Variants in FRAS1 observed in about 807,000 individuals in gnomAD.
FRAS1 encodes Fraser extracellular matrix complex subunit 1, also known as extracellular matrix organizing protein FRAS1.
Under a neutral mutation model 435.2 loss-of-function variants are expected in FRAS1, and 290 were observed. The ratio of observed to expected loss-of-function variants is 0.67; its 90% CI spans 0.61 to 0.73. The LOEUF is 0.73. Ranked by LOEUF, FRAS1 falls within the 30% of genes least tolerant of loss-of-function variation. The pLI is 0.00. For synonymous variants in FRAS1, 1,800 were observed against 1,851.0 expected (o/e 0.97, Z 0.71); for missense variants, 4,860 against 5,001.5 (o/e 0.97, Z 0.85).
chr4:78,232,581 G>T (rs1176411180), intron 2 of FRAS1, among the ~76,000 whole-genome samples: 1 of 152,136 alleles, frequency 6.6e-6, no homozygotes, highest in African/African-American at 2.4e-5. Context: ...CACCGTGCCT[G>T]GCTGGTACAA....
chr4:78,058,025 G>C lies in FRAS1; in HGVS notation c.16G>C (p.Val6Leu), dbSNP rs1290579756. ...CGAGGCGGCGATGGGTGTCCTCAAA[G>C]TGTGGCTCGGGCTGGCCCTAGCGTT... The part of the protein sequence containing the change: MGVLK[V>L]WLGLALALAE... Residue 6 changes from valine (V) to leucine (L), a missense_variant, in exon 1 of 74, where the codon GTG becomes CTG. Physicochemically the swap from Val to Leu is conservative, Grantham distance 32. Coordinates refer to ENST00000512123, the MANE Select transcript of FRAS1 (RefSeq NM_025074.7). The C allele has an allele frequency of 1.2e-6, 2 of 1,614,028 alleles. No individual in the cohort carries two copies. Among genetic ancestry groups the C allele is most frequent in the Admixed American group, 1.7e-5 (1 of 60,030 alleles).
In FRAS1 at chr4:78,473,477, A is replaced by G; in HGVS notation, c.7562A>G (p.Lys2521Arg). The G allele has an allele frequency of 1.2e-6, 2 of 1,613,668 alleles. No individual in the cohort carries two copies. Among genetic ancestry groups the G allele is most frequent in the Non-Finnish European group, 1.7e-6 (2 of 1,179,714 alleles). ...NLGLIRYVLHKEKIREMMDSF... is the reference protein window; with the variant it reads ...NLGLIRYVLHREKIREMMDSF... ...GGGTTGATTCGTTATGTGTTGCACA[A>G]GGAGAAGATCCGTGAGATGATGGAT... The change falls in exon 53 of 74, where the codon AAG becomes AGG. Residue 2521 changes from lysine (K) to arginine (R), a missense_variant. By Grantham distance (26) the Lys-to-Arg change is conservative (BLOSUM62 2). Transcript: ENST00000512123.
At chr4:78,095,837 G>T (rs1232890260) in intron 2 of FRAS1, among the ~76,000 whole-genome samples, 1 of 152,130 alleles carries the variant, frequency 6.6e-6, no homozygotes, top group African/African-American at 2.4e-5. Flanking sequence ...GATGAGATTT[G>T]GGTAGGGCCA....
chr4:78,189,067 G>A (rs1722413670), intron 2 of FRAS1, among the ~76,000 whole-genome samples: 1 of 152,192 alleles, frequency 6.6e-6, no homozygotes, highest in Non-Finnish European at 1.5e-5. Context: ...GTTTGCTCAT[G>A]TTAAAGGATA....
intron 3 of FRAS1, among the ~76,000 whole-genome samples, chr4:78,240,943 G>T (rs1724976010): frequency 6.6e-6 from 1 of 152,160 alleles, no homozygotes; most frequent in Non-Finnish European, 1.5e-5. Flanking sequence ...TAACCGTGTT[G>T]AGCACAGTTA....
chr4:78,344,691 T>C (rs1434649266), intron 20 of FRAS1, among the ~76,000 whole-genome samples: 3 of 152,068 alleles, frequency 2.0e-5, no homozygotes, highest in Admixed American at 6.6e-5. Flanking sequence ...GGAGAGGCAC[T>C]GTTGGGAAAC....
Position 78,363,917 on chromosome 4 carries a change from C to A in FRAS1, c.2585C>A (p.Ser862Tyr). Residue 862 changes from serine to tyrosine, a missense_variant, in exon 22 of 74, where the codon TCC (serine) becomes TAC (tyrosine). Coordinates refer to ENST00000512123, the MANE Select transcript of FRAS1 (RefSeq NM_025074.7). The stretch of plus-strand genomic sequence containing the variant: ...TCTTTTTCCTCTGCAGAATGCCACT[C>A]CTCCTGCAGAACCTGCCAGGGCAGA... Reference protein sequence around the residue: ...AERGACKKCHSSCRTCQGRGP... With the variant: ...AERGACKKCHYSCRTCQGRGP... The A allele has an allele frequency of 6.2e-7, 1 of 1,609,898 alleles. No individual in the cohort carries two copies. Among genetic ancestry groups the A allele is most frequent in the South Asian group, 1.1e-5 (1 of 90,100 alleles).
At position 78,537,165 on chromosome 4, in the gene FRAS1, CCAAA is replaced by C. The variant is rs1578380159; in HGVS notation, c.11270_11273del (p.Lys3757ThrfsTer2). 4 of 1,613,932 alleles carry C rather than the reference CCAAA, an allele frequency of 2.5e-6. No homozygotes were observed. The highest frequency in any genetic ancestry group is 3.4e-6 in the Non-Finnish European group (4 of 1,179,868). ...AGGGCCCCAGTATGGATGCATTCAG[CCAAA>C]CAAACACCTAAAACACAGATTCCTG... On this transcript the variant is annotated frameshift_variant, in exon 72 of 74. Transcript: ENST00000512123. LOFTEE classifies it high-confidence loss of function.
intron 2 of FRAS1, among the ~76,000 whole-genome samples, chr4:78,216,003 G>T (rs190641877): frequency 1.1e-4 from 16 of 152,280 alleles, no homozygotes; most frequent in African/African-American, 3.6e-4. Flanking sequence ...TTCATTGGTT[G>T]AGTCCTCTCC....
intron 2 of FRAS1, 38 bp from the exon 3 acceptor site, chr4:78,237,472 T>G: frequency 7.0e-7 from 1 of 1,421,028 alleles, no homozygotes; most frequent in Non-Finnish European, 1.0e-6. Context: ...ATACCTTGAC[T>G]GATCAGTTTT....
chr4:78,138,044 G>GTT (rs1719999980), intron 2 of FRAS1, among the ~76,000 whole-genome samples: 1 of 152,134 alleles, frequency 6.6e-6, no homozygotes, highest in Admixed American at 6.5e-5. Flanking sequence ...TCTGAGATGC[G>GTT]AGCTTCCAAC....
At chr4:78,074,652 G>A (rs1344539408) in intron 2 of FRAS1, among the ~76,000 whole-genome samples, 1 of 152,096 alleles carries the variant, frequency 6.6e-6, no homozygotes, top group African/African-American at 2.4e-5. Context: ...AGCGAATCAG[G>A]AAATTTATAT....
chr4:78,255,869 A>G (rs1427940876), intron 6 of FRAS1, among the ~76,000 whole-genome samples: 1 of 152,230 alleles, frequency 6.6e-6, no homozygotes, highest in African/African-American at 2.4e-5. Context: ...TTTGTTGTTC[A>G]TTTAAAGCTG....
intron 2 of FRAS1, among the ~76,000 whole-genome samples, chr4:78,103,631 CG>C (rs1225292459): frequency 6.6e-6 from 1 of 152,068 alleles, no homozygotes; most frequent in Non-Finnish European, 1.5e-5. Flanking sequence ...GATTAGATGA[CG>C]AGGGAAGAGC....
At chr4:78,417,803 G>T (rs2110366316) in intron 32 of FRAS1, among the ~76,000 whole-genome samples, 1 of 151,980 alleles carries the variant, frequency 6.6e-6, no homozygotes, top group South Asian at 2.1e-4. Context: ...TAAATGAGGA[G>T]ATTCCATCTG....
chr4:78,472,119 AGGG>A, intron 51 of FRAS1, 58 bp from the exon 52 acceptor site: 1 of 1,505,344 alleles, frequency 6.6e-7, no homozygotes, highest in East Asian at 2.3e-5. Flanking sequence ...TCTGAGTCAG[AGGG>A]TCTTGTTCCT....
chr4:78,217,209 C>G (rs1479517792), intron 2 of FRAS1, among the ~76,000 whole-genome samples: 1 of 152,128 alleles, frequency 6.6e-6, no homozygotes, highest in African/African-American at 2.4e-5. Flanking sequence ...TTCAGGCCCT[C>G]CAAGGATTGG....
intron 2 of FRAS1, among the ~76,000 whole-genome samples, chr4:78,160,586 T>C (rs1578159538): frequency 6.6e-6 from 1 of 152,082 alleles, no homozygotes; most frequent in African/African-American, 2.4e-5. Flanking sequence ...GGCATTGGAG[T>C]GTATGATTCC....
chr4:78,245,097 A>C (rs1472790301), intron 3 of FRAS1, 136 bp from the exon 4 acceptor site: 1 of 682,236 alleles, frequency 1.5e-6, no homozygotes, highest in African/African-American at 1.8e-5. Flanking sequence ...CAGTCTATTC[A>C]TTTTATCCCA....
Sources: allele counts gnomAD v4.1 joint callset (sites outside exome capture counted in the v4.1 genomes callset), GRCh38; gene constraint gnomAD v4.1.1; transcripts MANE v1.5; gene names NCBI Gene and HGNC (gene_info 2026-07-23, HGNC 2026-07-21).